The following BAZ1B variants were observed in gnomAD, a reference collection of about 807,000 sequenced individuals.
BAZ1B encodes bromodomain adjacent to zinc finger domain 1B, also known as tyrosine-protein kinase BAZ1B.
BAZ1B carries 22 observed loss-of-function variants against 153.8 expected under a neutral mutation model. The ratio of observed to expected loss-of-function variants is 0.14; its 90% CI spans 0.10 to 0.20. BAZ1B has a LOEUF of 0.20. BAZ1B is among the 10% of genes least tolerant of loss of function. The pLI is 1.00. For synonymous variants in BAZ1B, 676 were observed against 633.4 expected, an observed-to-expected ratio of 1.07 and a Z score of -1.01; for missense variants, 1,325 against 1,799.3, an observed-to-expected ratio of 0.74 and a Z score of 4.77.
intron 12 of BAZ1B, among the ~76,000 whole-genome samples, chr7:73,461,036 C>T (rs1261069378): frequency 1.3e-5 from 2 of 151,698 alleles, no homozygotes; most frequent in African/African-American, 2.4e-5. Flanking sequence ...AGTGCAATGG[C>T]GCGATCTCAG....
At chr7:73,485,221 T>C (rs1554574318) in intron 6 of BAZ1B, among the ~76,000 whole-genome samples, 1 of 152,070 alleles carries the variant, frequency 6.6e-6, no homozygotes, top group African/African-American at 2.4e-5. Context: ...AGGTGTGAGC[T>C]AGCAAATATC....
intron 16 of BAZ1B, among the ~76,000 whole-genome samples, chr7:73,445,547 CAG>C (rs1197647427): frequency 1.3e-5 from 2 of 152,152 alleles, no homozygotes; most frequent in African/African-American, 4.8e-5. Context: ...TACAAATAAA[CAG>C]AATCAGTATA....
chr7:73,461,633 T>C (rs1311679661), intron 12 of BAZ1B, among the ~76,000 whole-genome samples: 5 of 152,198 alleles, frequency 3.3e-5, no homozygotes, highest in African/African-American at 1.2e-4. Context: ...ATCACAAGAT[T>C]AATTAAAAAG....
intron 2 of BAZ1B, among the ~76,000 whole-genome samples, chr7:73,509,584 G>C (rs1384917372): frequency 6.6e-6 from 1 of 151,716 alleles, no homozygotes; most frequent in African/African-American, 2.4e-5. Flanking sequence ...AGCTGGGTGA[G>C]GTGGCATGCA....
In BAZ1B at chr7:73,477,404, T is replaced by G; in HGVS notation, c.2057A>C (p.His686Pro). 6.2e-7 allele frequency: 1 copy of G among 1,614,280 alleles called. No homozygotes were observed. Among genetic ancestry groups the G allele is most frequent in the Non-Finnish European group, 8.5e-7 (1 of 1,180,054 alleles). The change falls in exon 7 of 20, where the codon CAT (histidine) becomes CCT (proline). Residue 686 changes from histidine to proline, a missense_variant. His to Pro is a moderately conservative substitution (Grantham distance 77, BLOSUM62 -2). Transcript: ENST00000339594. This position sits in a 1 kb window ranked among gnomAD's most constrained non-coding sequence, Gnocchi z 5.6. ...GAGCCGCACCAGCTCTGAAACAGAA[T>G]GCAGAGTCAAGGGGATTTCCGACAG... ...MKLSEIPLTL[H>P]SVSELVRLCL...
chr7:73,515,675 C>A (rs1226090816), intron 1 of BAZ1B, among the ~76,000 whole-genome samples: 2 of 151,784 alleles, frequency 1.3e-5, no homozygotes, highest in Admixed American at 1.3e-4. Flanking sequence ...GTAATTGGGA[C>A]CACAGGCAAA....
intron 12 of BAZ1B, 84 bp downstream of exon 12, chr7:73,462,838 T>G: frequency 2.8e-6 from 4 of 1,447,454 alleles, no homozygotes; most frequent in Non-Finnish European, 3.9e-6. Context: ...GAGGGTCATG[T>G]TGGGAAGTCA....
chr7:73,442,094 TC>T (rs1787640239), intron 19 of BAZ1B, 86 bp downstream of exon 19: 1 of 952,232 alleles, frequency 1.1e-6, no homozygotes, highest in African/African-American at 1.6e-5. Context: ...GTTTCTGGAC[TC>T]CCTGTGATCT....
chr7:73,507,730 G>A (rs1790400771), intron 3 of BAZ1B, among the ~76,000 whole-genome samples: 1 of 152,198 alleles, frequency 6.6e-6, no homozygotes, highest in South Asian at 2.1e-4. Context: ...CAAGAGTGAT[G>A]GCACATGCCT....
intron 4 of BAZ1B, 63 bp downstream of exon 4, chr7:73,498,434 T>C: frequency 6.9e-7 from 1 of 1,457,712 alleles, no homozygotes; most frequent in Non-Finnish European, 9.5e-7. Context: ...CCCTAAAAGA[T>C]GTGTTCATAA....
chr7:73,455,225 A>C (rs547900374), intron 13 of BAZ1B, among the ~76,000 whole-genome samples: 15 of 152,074 alleles, frequency 9.9e-5, no homozygotes, highest in South Asian at 4.2e-4. Context: ...TAAAACCTCC[A>C]AACTTACTAG....
chr7:73,489,052 TATGTAACA>T, intron 6 of BAZ1B, 134 bp downstream of exon 6: 1 of 758,454 alleles, frequency 1.3e-6, no homozygotes, highest in South Asian at 1.9e-5. Context: ...TAACAACCTG[TATGTAACA>T]GATATACCTG....
At chr7:73,464,918 G>C (rs1392069928) in intron 11 of BAZ1B, among the ~76,000 whole-genome samples, 1 of 150,296 alleles carries the variant, frequency 6.7e-6, no homozygotes, top group Non-Finnish European at 1.5e-5. Flanking sequence ...TTTTTTTTCA[G>C]AAACGGAGTT....
intron 13 of BAZ1B, among the ~76,000 whole-genome samples, chr7:73,454,221 G>T (rs944957530): frequency 6.6e-6 from 1 of 152,032 alleles, no homozygotes; most frequent in Non-Finnish European, 1.5e-5. Context: ...AGCTACTCGG[G>T]AAAGTGAGGT....
chr7:73,516,922 TG>T (rs2115613704), intron 1 of BAZ1B, among the ~76,000 whole-genome samples: 1 of 152,208 alleles, frequency 6.6e-6, no homozygotes, highest in African/African-American at 2.4e-5. Context: ...GGCTCACGCC[TG>T]TAATCCCAGC....
At chr7:73,443,722 T>C (rs1252046975) in intron 17 of BAZ1B, among the ~76,000 whole-genome samples, 1 of 152,174 alleles carries the variant, frequency 6.6e-6, no homozygotes, top group Non-Finnish European at 1.5e-5. Context: ...GGATACTATT[T>C]TTAAATCCTT....
chr7:73,447,422 A>C lies in BAZ1B; in HGVS notation c.3729-43T>G, dbSNP rs782147390. 17 of 1,575,696 alleles carry C rather than the reference A, an allele frequency of 1.1e-5. No homozygotes were observed. The East Asian group carries it at 3.4e-4, about 31-fold the overall frequency. On this transcript the variant is annotated intron_variant, in intron 15 of 19. Transcript: ENST00000339594. ...AATGTAGGGAACACAGTTTTAGCCC[A>C]AAGTGGTCCTAAGAAGGGCTCAAAT... is the stretch of plus-strand genomic sequence containing the variant.
chr7:73,467,456 G>T (rs1788637955), intron 9 of BAZ1B, among the ~76,000 whole-genome samples: 2 of 152,002 alleles, frequency 1.3e-5, no homozygotes, highest in South Asian at 4.1e-4. Context: ...TGCAACCCCT[G>T]CCTCCTGGGC....
At chr7:73,499,653 G>A (rs1554576865) in intron 3 of BAZ1B, among the ~76,000 whole-genome samples, 1 of 152,214 alleles carries the variant, frequency 6.6e-6, no homozygotes, top group Non-Finnish European at 1.5e-5. Context: ...AGTAAGCTAT[G>A]ACAGTGCCAC....
Sources: allele counts gnomAD v4.1 joint callset (sites outside exome capture counted in the v4.1 genomes callset), GRCh38; gene constraint gnomAD v4.1.1; non-coding constraint Gnocchi (gnomAD v3.1); transcripts MANE v1.5; gene names NCBI Gene and HGNC (gene_info 2026-07-23, HGNC 2026-07-21).